The following DACT2 variants were observed in gnomAD, a reference collection of about 807,000 sequenced individuals.
DACT2 encodes dishevelled binding antagonist of beta catenin 2.
DACT2 carries 20 observed loss-of-function variants against 22.2 expected under a neutral mutation model. That is an observed-to-expected ratio of 0.90 (90% CI 0.63 to 1.31). The LOEUF (loss-of-function observed/expected upper bound fraction) is 1.31. Among genes scored for constraint, DACT2 ranks in the 50% most tolerant of loss-of-function variants. The pLI, the probability that DACT2 is intolerant of heterozygous loss-of-function variation, is 0.00. For missense variants in DACT2, 1,048 were observed against 1,061.4 expected (o/e 0.99, Z 0.18); for synonymous variants, 463 against 479.8 (o/e 0.96, Z 0.46).
chr6:168,304,367 C>T (rs1473736664), downstream of DACT2, among the ~76,000 whole-genome samples: 1 of 152,264 alleles, frequency 6.6e-6, no homozygotes. Flanking sequence ...GGCCTTCTTG[C>T]AATATCCCTG....
intron 2 of DACT2, 133 bp downstream of exon 2, chr6:168,311,019 G>T: frequency 1.7e-6 from 2 of 1,187,850 alleles, no homozygotes; most frequent in Non-Finnish European, 2.2e-6. Context: ...CTGACGAAGC[G>T]GCCATCTCCC....
At chr6:168,293,280 T>A (rs942729557) in exon 6 of DACT2, 9 of 152,640 alleles carry the variant, frequency 5.9e-5, no homozygotes, top group African/African-American at 2.2e-4. Context: ...ATTTTGTTAA[T>A]ATGATTCATC....
chr6:168,306,863 G>A (rs1181560515), downstream of DACT2: 1 of 983,890 alleles, frequency 1.0e-6, no homozygotes, highest in South Asian at 4.7e-5. Flanking sequence ...TGATTATGGT[G>A]ACCCTACCAT....
chr6:168,293,579 C>T lies in DACT2; in HGVS notation c.*315G>A, dbSNP rs12205263. 1.0e-3 allele frequency: 359 copies of T among 346,116 alleles called. 1 individual carries two copies. The highest frequency in any genetic ancestry group is 1.7e-3 in the Non-Finnish European group (319 of 187,012). 21.4% of individuals were successfully genotyped at this position (346,116 alleles called of 1,614,324 possible). A position where few individuals can be genotyped will look rare whatever the true frequency, so the allele number is the denominator to read the frequency against. Reference sequence around the variant, plus strand: ...ATGGTGCTTATGGCCCCAGCACTTGCAGTCATGCTAGAAAAACACACAGAA... The same window carrying T: ...ATGGTGCTTATGGCCCCAGCACTTGTAGTCATGCTAGAAAAACACACAGAA... On this transcript the variant is annotated 3_prime_UTR_variant, in exon 6 of 6. Transcript: ENST00000366796.
intron 3 of DACT2, among the ~76,000 whole-genome samples, chr6:168,309,470 C>T (rs1779339705): frequency 1.3e-5 from 2 of 151,936 alleles, no homozygotes; most frequent in African/African-American, 2.4e-5. Context: ...GGTGCGGGGC[C>T]CTATTTGCGC....
At chr6:168,311,367 G>A in intron 1 of DACT2, 83 bp from the exon 2 acceptor site, 1 of 1,416,634 alleles carries the variant, frequency 7.1e-7, no homozygotes, top group South Asian at 1.5e-5. Context: ...AACATGCATT[G>A]TGAATGCAAT....
Position 168,294,673 on chromosome 6 carries a change from C to T in DACT2, c.690G>A (p.Met230Ile), listed in dbSNP as rs983632667. The change falls in exon 4 of 6, where the codon ATG becomes ATA. Residue 230 changes from methionine (M) to isoleucine (I), a missense_variant. Physicochemically the swap from Met to Ile is conservative, Grantham distance 10 (BLOSUM62 1). Transcript: ENST00000366796. The stretch of plus-strand genomic sequence containing the variant: ...AGGTGCAGCCTGCAGGCGGAGCATG[C>T]ATGTCAAGTTCACCTGGAGCATTGC... 2.7e-6 allele frequency: 4 copies of T among 1,495,312 alleles called. No individual in the cohort carries two copies. The Admixed American group carries it at 6.5e-5, about 24-fold the overall frequency. The allele number at this position is 1,495,312 out of a possible 1,614,324, so 92.6% of individuals were successfully genotyped here.
In DACT2 at chr6:168,309,051, T is replaced by C. The variant is rs1310660405; in HGVS notation, c.706A>G (p.Ser236Gly). The C allele has an allele frequency of 6.5e-7, 1 of 1,540,938 alleles. No homozygotes were observed. The highest frequency in any genetic ancestry group is 8.7e-7 in the Non-Finnish European group (1 of 1,145,428). Residue 236 changes from serine (S) to glycine (G), a missense_variant, in exon 4 of 4, where the codon AGC becomes GGC. Physicochemically the swap from Ser to Gly is moderately conservative, Grantham distance 56 (BLOSUM62 0). Coordinates refer to ENST00000366795, the MANE Select transcript of DACT2 (RefSeq NM_214462.5). ...LPADTGLQKA[S>G]ADAELLGLLC... ...AGCCCGAGGAGCTCGGCGTCCGCGCTGGCTTTCTGGAGCCCCGTGTCCGCC... is the reference window on the plus strand; with the variant it reads ...AGCCCGAGGAGCTCGGCGTCCGCGCCGGCTTTCTGGAGCCCCGTGTCCGCC...
In DACT2 at chr6:168,319,670, G is replaced by A; in HGVS notation, c.-37C>T. On this transcript the variant is annotated 5_prime_UTR_variant, in exon 1 of 4. Coordinates refer to ENST00000366795, the MANE Select transcript of DACT2 (RefSeq NM_214462.5). The stretch of plus-strand genomic sequence containing the variant: ...GGTCCCGGCCTCCCGAACCCCACGA[G>A]CGGCGCCGGAGGCCCAGCGCGCGCG... The A allele has an allele frequency of 1.7e-6, 2 of 1,210,078 alleles. No individual in the cohort carries two copies. Among genetic ancestry groups the A allele is most frequent in the Non-Finnish European group, 2.1e-6 (2 of 972,334 alleles). The allele number at this position is 1,210,078 out of a possible 1,614,324, so 75.0% of individuals were successfully genotyped here.
At chr6:168,303,355 G>A (rs1026057342), downstream of DACT2, among the ~76,000 whole-genome samples, 1 of 152,170 alleles carries the variant, frequency 6.6e-6, no homozygotes, top group African/African-American at 2.4e-5. Context: ...AGGTTTCTGG[G>A]TCATGGGGGC....
intron 3 of DACT2, chr6:168,299,967 G>A (rs1779076003): frequency 1.3e-5 from 2 of 152,212 alleles, no homozygotes; most frequent in African/African-American, 4.8e-5. Context: ...GTTTCTACAG[G>A]GACCCTCAGG....
Position 168,307,601 on chromosome 6 carries a change from T to G in DACT2, c.2156A>C (p.Tyr719Ser), listed in dbSNP as rs1367058008. Residue 719 changes from tyrosine (Y) to serine (S), a missense_variant, in exon 4 of 4, where the codon TAT (tyrosine) becomes TCT (serine). By Grantham distance (144) the Tyr-to-Ser change is moderately radical. Transcript: ENST00000366795. The surrounding 1 kb of genome is among the most constrained non-coding windows in gnomAD (Gnocchi z 5.3). Reference protein sequence around the residue: ...QSRDCDLALGYVAAGHAELAW... With the variant: ...QSRDCDLALGSVAAGHAELAW... ...CAGCTCCGCATGCCCGGCCGCCACATAGCCCAGTGCCAGGTCACAGTCCCT... is the reference window on the plus strand; with the variant it reads ...CAGCTCCGCATGCCCGGCCGCCACAGAGCCCAGTGCCAGGTCACAGTCCCT... The G allele has an allele frequency of 1.3e-6, 2 of 1,549,186 alleles. No individual in the cohort carries two copies. The highest frequency in any genetic ancestry group is 2.7e-5 in the African/African-American group (2 of 72,950).
Position 168,308,280 on chromosome 6 carries a change from T to G in DACT2, c.1477A>C (p.Lys493Gln). Residue 493 changes from lysine (K) to glutamine (Q), a missense_variant, in exon 4 of 4, where the codon AAG (lysine) becomes CAG (glutamine). Coordinates refer to ENST00000366795, the MANE Select transcript of DACT2 (RefSeq NM_214462.5). ...CTCTTGATTTTTTCAGCCTTGCTCT[T>G]GGGGGGACCCATTTTCAGGCTGGCA... ...FAASLKMGPP[K>Q]SKAEKIKRSP... 1 of 1,552,278 alleles carries G rather than the reference T, an allele frequency of 6.4e-7. No homozygotes were observed. The highest frequency in any genetic ancestry group is 8.7e-7 in the Non-Finnish European group (1 of 1,147,118).
Position 168,309,100 on chromosome 6 carries a change from T to C in DACT2, c.659-2A>G. On this transcript the variant is annotated splice_acceptor_variant, in intron 3 of 3. Coordinates refer to ENST00000366795, the MANE Select transcript of DACT2 (RefSeq NM_214462.5). LOFTEE classifies it high-confidence loss of function. ...CCGGCAGGGCTCTGTCAAGATCACC[T>C]GGGAGCGAGAAAAATGAACAAACAC... 1 of 1,509,088 alleles carries C rather than the reference T, an allele frequency of 6.6e-7. No individual in the cohort carries two copies. Among genetic ancestry groups the C allele is most frequent in the South Asian group, 1.2e-5 (1 of 81,382 alleles). 93.5% of individuals were successfully genotyped at this position (1,509,088 alleles called of 1,614,324 possible).
At chr6:168,311,630 ATC>A (rs1491056312) in intron 1 of DACT2, among the ~76,000 whole-genome samples, 1 of 143,554 alleles carries the variant, frequency 7.0e-6, no homozygotes, top group Admixed American at 6.9e-5. Context: ...ACACACACCC[ATC>A]CACACACACA....
Position 168,309,066 on chromosome 6 carries a change from C to G in DACT2, c.691G>C (p.Gly231Arg), listed in dbSNP as rs1779319502. ...DLDRALPADT[G>R]LQKASADAEL... ...GCGTCCGCGCTGGCTTTCTGGAGCC[C>G]CGTGTCCGCCGGCAGGGCTCTGTCA... Residue 231 changes from glycine to arginine, a missense_variant, in exon 4 of 4, where the codon GGG becomes CGG. Physicochemically the swap from Gly to Arg is moderately radical, Grantham distance 125. Transcript: ENST00000366795. 2 of 1,535,888 alleles carry G rather than the reference C, an allele frequency of 1.3e-6. No individual in the cohort carries two copies. Among genetic ancestry groups the G allele is most frequent in the South Asian group, 2.4e-5 (2 of 83,704 alleles).
At chr6:168,304,521 G>A (rs1003326661), downstream of DACT2, among the ~76,000 whole-genome samples, 1 of 152,214 alleles carries the variant, frequency 6.6e-6, no homozygotes, top group African/African-American at 2.4e-5. Context: ...TCTGCCCTGG[G>A]CCTGCACGTG....
At chr6:168,309,979 G>A (rs533079480) in intron 3 of DACT2, among the ~76,000 whole-genome samples, 189 bp downstream of exon 3, 1 of 152,334 alleles carries the variant, frequency 6.6e-6, no homozygotes, top group African/African-American at 2.4e-5. Context: ...GTGGTGATGC[G>A]CACAGCCGCA....
chr6:168,314,321 C>T (rs1779494503), intron 1 of DACT2, among the ~76,000 whole-genome samples: 1 of 152,200 alleles, frequency 6.6e-6, no homozygotes, highest in Admixed American at 6.5e-5. Context: ...ACCCCTGGGC[C>T]TGGGGAAGGG....
Sources: allele counts gnomAD v4.1 joint callset (sites outside exome capture counted in the v4.1 genomes callset), GRCh38; gene constraint gnomAD v4.1.1; non-coding constraint Gnocchi (gnomAD v3.1); transcripts MANE v1.5; gene names NCBI Gene and HGNC (gene_info 2026-07-23, HGNC 2026-07-21).